AXL: variants seen among roughly 807,000 people sequenced by gnomAD.
AXL encodes the protein tyrosine-protein kinase receptor UFO.
Under a neutral mutation model 104.5 loss-of-function variants are expected in AXL, and 52 were observed. The ratio of observed to expected loss-of-function variants is 0.50; its 90% CI spans 0.40 to 0.63. The LOEUF is 0.63. Ranked by LOEUF, AXL falls within the 20% of genes least tolerant of loss-of-function variation. The pLI, the probability that AXL is intolerant of heterozygous loss-of-function variation, is 0.00. For missense variants in AXL, 1,024 were observed against 1,188.5 expected (o/e 0.86, Z 2.04); for synonymous variants, 455 against 473.7 (o/e 0.96, Z 0.51).
At chr19:41,246,688 C>T (rs924630525) in intron 12 of AXL, among the ~76,000 whole-genome samples, 15 of 149,816 alleles carry the variant, frequency 1.0e-4, no homozygotes, top group Non-Finnish European at 1.9e-4. Context: ...GCACTCTAGC[C>T]TAGGCAACAG....
chr19:41,233,863 G>C (rs2034036490), intron 6 of AXL, among the ~76,000 whole-genome samples: 1 of 151,890 alleles, frequency 6.6e-6, no homozygotes, highest in African/African-American at 2.4e-5. Flanking sequence ...GTGTCCCCAG[G>C]AAAGCAGAAG....
intron 14 of AXL, among the ~76,000 whole-genome samples, chr19:41,251,433 A>G (rs376497968): frequency 6.6e-6 from 1 of 151,952 alleles, no homozygotes; most frequent in Non-Finnish European, 1.5e-5. Flanking sequence ...ATGGTGGTGC[A>G]TGCCTGTAAT....
chr19:41,245,103 G>T (rs894884659), intron 12 of AXL, among the ~76,000 whole-genome samples: 2 of 151,260 alleles, frequency 1.3e-5, no homozygotes, highest in African/African-American at 4.9e-5. Context: ...GCTAATTTTT[G>T]TAGTTTTAAT....
chr19:41,229,938 T>C (rs1001569773), intron 4 of AXL, among the ~76,000 whole-genome samples: 1 of 152,120 alleles, frequency 6.6e-6, no homozygotes, highest in African/African-American at 2.4e-5. Flanking sequence ...TGTTTGTGCA[T>C]GTGAGTGTGT....
chr19:41,222,026 C>A lies in AXL; in HGVS notation c.556C>A (p.His186Asn), dbSNP rs1339779428. ...TGTCCCCCTGGCCACGGCTCCAGGTCACGGCCCCCAGCGCAGCCTGCATGT... is the reference window on the plus strand; with the variant it reads ...TGTCCCCCTGGCCACGGCTCCAGGTAACGGCCCCCAGCGCAGCCTGCATGT... ...DAVPLATAPG[H>N]GPQRSLHVPG... Residue 186 changes from histidine to asparagine, a missense_variant, in exon 4 of 20, where the codon CAC becomes AAC. Physicochemically the swap from His to Asn is moderately conservative, Grantham distance 68 (BLOSUM62 1). Transcript: ENST00000301178. 6.3e-7 allele frequency: 1 copy of A among 1,595,476 alleles called. No homozygotes were observed. Among genetic ancestry groups the A allele is most frequent in the African/African-American group, 1.3e-5 (1 of 74,514 alleles).
rs1466592724 is a variant in AXL, at chr19:41,259,812, C to T, written c.2593C>T (p.Arg865Cys). 1.2e-6 allele frequency: 2 copies of T among 1,614,066 alleles called. No homozygotes were observed. Among genetic ancestry groups the T allele is most frequent in the Non-Finnish European group, 1.7e-6 (2 of 1,180,010 alleles). Residue 865 changes from arginine (R) to cysteine (C), a missense_variant, in exon 20 of 20, where the codon CGC becomes TGC. Coordinates refer to ENST00000301178, the MANE Select transcript of AXL (RefSeq NM_021913.5). ...TGCGGCTGAGGTCCATCCTGCTGGACGCTATGTCCTCTGCCCTTCCACAAC... is the reference window on the plus strand; with the variant it reads ...TGCGGCTGAGGTCCATCCTGCTGGATGCTATGTCCTCTGCCCTTCCACAAC... ...LTAAEVHPAGRYVLCPSTTPS... is the reference protein window; with the variant it reads ...LTAAEVHPAGCYVLCPSTTPS...
chr19:41,239,795 C>A, intron 10 of AXL, 75 bp downstream of exon 10: 1 of 1,549,848 alleles, frequency 6.5e-7, no homozygotes, highest in Non-Finnish European at 8.9e-7. Flanking sequence ...CATGCATACT[C>A]ATTGCACATC....
intron 12 of AXL, among the ~76,000 whole-genome samples, chr19:41,246,902 A>AT (rs1351355960): frequency 6.6e-6 from 1 of 152,140 alleles, no homozygotes; most frequent in East Asian, 1.9e-4. Flanking sequence ...TAACATAAAC[A>AT]AAAGCTCTTT....
chr19:41,219,412 G>C lies in AXL; in HGVS notation c.20G>C (p.Arg7Thr), dbSNP rs776668582. Residue 7 changes from arginine (R) to threonine (T), a missense_variant, in exon 1 of 20, where the codon AGG becomes ACG. By Grantham distance (71) the Arg-to-Thr change is moderately conservative. Coordinates refer to ENST00000301178, the MANE Select transcript of AXL (RefSeq NM_021913.5). ...GCACCCATGGCGTGGCGGTGCCCCA[G>C]GATGGGCAGGGTCCCGCTGGCCTGG... is the stretch of plus-strand genomic sequence containing the variant. MAWRCP[R>T]MGRVPLAWCL... 1.9e-6 allele frequency: 3 copies of C among 1,603,690 alleles called. No individual in the cohort carries two copies. Among genetic ancestry groups the C allele is most frequent in the Admixed American group, 1.7e-5 (1 of 58,722 alleles).
chr19:41,260,152 T>C lies in AXL; in HGVS notation c.*248T>C, dbSNP rs1030080142. ...GCAATATCTGAAGCCCTCCCAGGTG[T>C]TAACATTCCAAGACTCTAGAGTCCA... On this transcript the variant is annotated 3_prime_UTR_variant, in exon 20 of 20. Coordinates refer to ENST00000301178, the MANE Select transcript of AXL (RefSeq NM_021913.5). 1.9e-5 allele frequency: 9 copies of C among 474,110 alleles called. No individual in the cohort carries two copies. Among genetic ancestry groups the C allele is most frequent in the Non-Finnish European group, 3.3e-5 (9 of 269,616 alleles). The allele number at this position is 474,110 out of a possible 1,614,324, so 29.4% of individuals were successfully genotyped here. A position where few individuals can be genotyped will look rare whatever the true frequency, so the allele number is the denominator to read the frequency against.
chr19:41,219,934 C>G (rs1427496817), intron 1 of AXL, among the ~76,000 whole-genome samples: 1 of 151,940 alleles, frequency 6.6e-6, no homozygotes, highest in Non-Finnish European at 1.5e-5. Flanking sequence ...GTCCCTACCC[C>G]ACCAGTCCAC....
At position 41,252,333 on chromosome 19, in the gene AXL, C is replaced by T. The variant is rs1378900627; in HGVS notation, c.1712-18C>T. 3.1e-6 allele frequency: 5 copies of T among 1,612,206 alleles called. No individual in the cohort carries two copies. The South Asian group carries it at 5.5e-5, about 18-fold the overall frequency. The stretch of plus-strand genomic sequence containing the variant: ...CCTCTCCTCCCCTCCTCCTCACGAC[C>T]TTTCTCTCTCCCTCAAGTTGCCATC... On this transcript the variant is annotated intron_variant, in intron 14 of 19. Coordinates refer to ENST00000301178, the MANE Select transcript of AXL (RefSeq NM_021913.5).
In AXL at chr19:41,256,471, G is replaced by A. The variant is rs763877877; in HGVS notation, c.2056G>A (p.Val686Met). The change falls in exon 18 of 20, where the codon GTG becomes ATG. Residue 686 changes from valine to methionine, a missense_variant. Transcript: ENST00000301178. ...AAACAGGCTGAATGAGAACATGTCC[G>A]TGTGTGTGGCGGACTTCGGGCTCTC... ...RNCMLNENMSVCVADFGLSKK... is the reference protein window; with the variant it reads ...RNCMLNENMSMCVADFGLSKK... The A allele has an allele frequency of 2.5e-6, 4 of 1,613,732 alleles. No individual in the cohort carries two copies. Among genetic ancestry groups the A allele is most frequent in the South Asian group, 2.2e-5 (2 of 91,078 alleles).
At chr19:41,235,460 A>C (rs1325756205) in intron 6 of AXL, among the ~76,000 whole-genome samples, 1 of 152,156 alleles carries the variant, frequency 6.6e-6, no homozygotes, top group African/African-American at 2.4e-5. Flanking sequence ...TACATGCCCC[A>C]ATTCAGTCAA....
intron 4 of AXL, 141 bp from the exon 5 acceptor site, chr19:41,230,826 C>G: frequency 1.2e-6 from 1 of 834,424 alleles, no homozygotes; most frequent in Non-Finnish European, 2.0e-6. Flanking sequence ...CTCAACTCTG[C>G]TAACCCTCCC....
chr19:41,239,433 C>T, intron 9 of AXL, 119 bp downstream of exon 9: 1 of 1,407,916 alleles, frequency 7.1e-7, no homozygotes, highest in Non-Finnish European at 9.6e-7. Flanking sequence ...CTGAGCCTTA[C>T]TGAGAGCTGC....
At position 41,237,887 on chromosome 19, in the gene AXL, T is replaced by G. The variant is rs1599733088; in HGVS notation, c.784-57T>G. On this transcript the variant is annotated intron_variant, in intron 6 of 19. Coordinates refer to ENST00000301178, the MANE Select transcript of AXL (RefSeq NM_021913.5). ...CAGACCACCACCACTGGGAGCTGTG[T>G]GACCATCTCGTGTGATTGCTTGGCT... is the stretch of plus-strand genomic sequence containing the variant. 7.2e-6 allele frequency: 11 copies of G among 1,519,560 alleles called. No individual in the cohort carries two copies. The East Asian group carries it at 2.5e-4, about 34-fold the overall frequency. 94.1% of individuals were successfully genotyped at this position (1,519,560 alleles called of 1,614,324 possible).
chr19:41,253,001 T>C (rs1337942528), intron 16 of AXL, 34 bp downstream of exon 16: 4 of 1,610,494 alleles, frequency 2.5e-6, no homozygotes, highest in African/African-American at 2.7e-5. Context: ...TCTACAAATA[T>C]TAACTGAGCA....
At chr19:41,220,610 G>A in intron 1 of AXL, 26 bp from the exon 2 acceptor site, 1 of 1,544,882 alleles carries the variant, frequency 6.5e-7, no homozygotes, top group Middle Eastern at 1.7e-4. Flanking sequence ...GGGTTCCTAA[G>A]CTAACTCTTC....
Sources: allele counts gnomAD v4.1 joint callset (sites outside exome capture counted in the v4.1 genomes callset), GRCh38; gene constraint gnomAD v4.1.1; transcripts MANE v1.5; gene names NCBI Gene and HGNC (gene_info 2026-07-23, HGNC 2026-07-21).